Variants in LRP2 observed in about 807,000 individuals in gnomAD.
The protein encoded by LRP2 is LDL receptor related protein 2.
Under a neutral mutation model 531.0 loss-of-function variants are expected in LRP2, and 172 were observed. The observed-to-expected ratio is 0.32, with a 90% CI of 0.29 to 0.37. The LOEUF (loss-of-function observed/expected upper bound fraction) is 0.37. Among genes scored for constraint, LRP2 ranks in the 10% least tolerant of loss-of-function variants. LRP2 has a pLI of 1.00. For synonymous variants in LRP2, 1,992 were observed against 2,027.6 expected (o/e 0.98, Z 0.47); for missense variants, 5,167 against 5,868.3 (o/e 0.88, Z 3.90).
Position 169,282,875 on chromosome 2 carries a change from G to A in LRP2, c.1169C>T (p.Ser390Phe). Residue 390 changes from serine (S) to phenylalanine (F), a missense_variant and splice_region_variant, in exon 10 of 79, where the codon TCC becomes TTC. Physicochemically the swap from Ser to Phe is radical, Grantham distance 155. Transcript: ENST00000649046. ...ACAGGTGTCCATAATTTACTCACAG[G>A]AATCATTAGCTTTGCAATACTGTCC... ...ERGQYCKAND[S>F]FGEASIIFSN... is the part of the protein sequence containing the mutation. 6.2e-7 allele frequency: 1 copy of A among 1,613,764 alleles called. No homozygotes were observed. The highest frequency in any genetic ancestry group is 8.5e-7 in the Non-Finnish European group (1 of 1,179,736).
chr2:169,227,525 T>G (rs1689245235), intron 31 of LRP2, among the ~76,000 whole-genome samples: 1 of 152,210 alleles, frequency 6.6e-6, no homozygotes, highest in South Asian at 2.1e-4. Flanking sequence ...CTTTTGAATC[T>G]AAGTTTTGGG....
At chr2:169,307,661 T>C (rs1045531572) in intron 3 of LRP2, among the ~76,000 whole-genome samples, 1 of 152,190 alleles carries the variant, frequency 6.6e-6, no homozygotes, top group Admixed American at 6.5e-5. Flanking sequence ...ATTTTAAAAC[T>C]ATATGGTAAA....
At chr2:169,224,102 A>G (rs1689113980) in intron 33 of LRP2, among the ~76,000 whole-genome samples, 1 of 152,240 alleles carries the variant, frequency 6.6e-6, no homozygotes, top group South Asian at 2.1e-4. Flanking sequence ...CTTAGTCTAC[A>G]GAGAGTGCTT....
At chr2:169,333,476 G>A (rs1264686230) in intron 1 of LRP2, among the ~76,000 whole-genome samples, 1 of 118,336 alleles carries the variant, frequency 8.5e-6, no homozygotes, top group East Asian at 3.0e-4. Flanking sequence ...AGGAGGGAAG[G>A]AAGAAAAGGA....
At chr2:169,211,595 G>A (rs1574138091) in intron 37 of LRP2, among the ~76,000 whole-genome samples, 2 of 152,098 alleles carry the variant, frequency 1.3e-5, no homozygotes, top group South Asian at 2.1e-4. Context: ...CACCAACTCT[G>A]TAGTACTTCT....
At chr2:169,290,822 C>T in intron 8 of LRP2, 23 bp downstream of exon 8, 1 of 1,611,710 alleles carries the variant, frequency 6.2e-7, no homozygotes, top group Non-Finnish European at 8.5e-7. Flanking sequence ...CTGAAAGCTA[C>T]CCAGGTAAAT....
chr2:169,201,388 A>C (rs1688197279), intron 44 of LRP2, among the ~76,000 whole-genome samples: 2 of 152,230 alleles, frequency 1.3e-5, no homozygotes, highest in South Asian at 4.1e-4. Flanking sequence ...TATTTTCCAA[A>C]ATGTTATCAG....
At chr2:169,203,930 G>A (rs1688287543) in intron 42 of LRP2, 52 bp downstream of exon 42, 4 of 1,577,802 alleles carry the variant, frequency 2.5e-6, no homozygotes, top group Non-Finnish European at 3.5e-6. Context: ...CTTACCAATT[G>A]GTATTGTGAT....
intron 71 of LRP2, among the ~76,000 whole-genome samples, chr2:169,141,970 G>A (rs66660630): frequency 0.038 from 5,800 of 152,232 alleles, 173 homozygotes; most frequent in African/African-American, 0.086. Context: ...GGTGGTAGAA[G>A]GTGGTTAAGC....
intron 4 of LRP2, among the ~76,000 whole-genome samples, chr2:169,294,911 A>T (rs1254044166): frequency 6.6e-6 from 1 of 152,048 alleles, no homozygotes; most frequent in Non-Finnish European, 1.5e-5. Flanking sequence ...AATAAGACAC[A>T]AATGGTAAAT....
chr2:169,193,528 C>T (rs1358443309), intron 47 of LRP2, among the ~76,000 whole-genome samples: 4 of 150,828 alleles, frequency 2.7e-5, no homozygotes, highest in African/African-American at 7.3e-5. Context: ...ACATTATGTC[C>T]ATTAGCCAAA....
chr2:169,162,730 A>C, intron 62 of LRP2, 130 bp from the exon 63 acceptor site: 1 of 961,028 alleles, frequency 1.0e-6, no homozygotes, highest in Non-Finnish European at 1.6e-6. Flanking sequence ...TCTCCCTTGC[A>C]GCTGGGTTAG....
intron 56 of LRP2, 39 bp downstream of exon 56, chr2:169,173,880 C>G (rs1324025155): frequency 1.2e-6 from 2 of 1,613,162 alleles, no homozygotes. Flanking sequence ...TCGTGTCTCC[C>G]TGCTCTGGTC....
intron 4 of LRP2, among the ~76,000 whole-genome samples, chr2:169,305,758 G>A (rs890076447): frequency 6.6e-6 from 1 of 152,188 alleles, no homozygotes; most frequent in African/African-American, 2.4e-5. Context: ...CAGACCGCAT[G>A]GACTACATGT....
chr2:169,192,194 T>C (rs141291454), intron 47 of LRP2, among the ~76,000 whole-genome samples, 161 bp from the exon 48 acceptor site: 17 of 152,262 alleles, frequency 1.1e-4, no homozygotes, highest in African/African-American at 4.1e-4. Flanking sequence ...ATAATAAAAA[T>C]ACCTCCAAAG....
In LRP2 at chr2:169,206,414, T is replaced by A. The variant is rs577943281; in HGVS notation, c.7306A>T (p.Thr2436Ser). ...CCAACTCCAGAGGCTAAATTTTGTGTGAAGTAGATTCTATCACTTACACTG... is the reference window on the plus strand; with the variant it reads ...CCAACTCCAGAGGCTAAATTTTGTGAGAAGTAGATTCTATCACTTACACTG... Reference protein sequence around the residue: ...YDSVSDRIYFTQNLASGVGQI... With the variant: ...YDSVSDRIYFSQNLASGVGQI... Residue 2436 changes from threonine (T) to serine (S), a missense_variant, in exon 39 of 79, where the codon ACA (threonine) becomes TCA (serine). This residue lies in a region of LRP2 where 2,811 missense variants were observed against 3,058.0 expected (regional missense o/e 0.92). Transcript: ENST00000649046. The A allele has an allele frequency of 4.3e-6, 7 of 1,614,168 alleles. No homozygotes were observed. The East Asian group carries it at 1.6e-4, about 36-fold the overall frequency.
chr2:169,317,616 T>C (rs1684798791), intron 3 of LRP2, among the ~76,000 whole-genome samples: 1 of 152,244 alleles, frequency 6.6e-6, no homozygotes, highest in Admixed American at 6.5e-5. Flanking sequence ...TTTAACTTTT[T>C]TGAGTTGTGT....
chr2:169,211,675 G>A (rs776768151), intron 37 of LRP2, among the ~76,000 whole-genome samples: 12 of 152,078 alleles, frequency 7.9e-5, no homozygotes, highest in South Asian at 2.1e-4. Context: ...GGCCAGCACC[G>A]TCAGCATGCC....
rs943101069 is a variant in LRP2, at chr2:169,191,938, C to T, written c.8926G>A (p.Val2976Met). The change falls in exon 48 of 79, where the codon GTG (valine) becomes ATG (methionine). Residue 2976 changes from valine to methionine, a missense_variant. By Grantham distance (21) the Val-to-Met change is conservative. This residue lies in a region of LRP2 where 1,129 missense variants were observed against 1,362.7 expected (regional missense o/e 0.83). Coordinates refer to ENST00000649046, the MANE Select transcript of LRP2 (RefSeq NM_004525.3). ...IPQSWVCDGDVDCTDGYDENQ... is the reference protein window; with the variant it reads ...IPQSWVCDGDMDCTDGYDENQ... ...TCATCGTAGCCGTCAGTACAATCCA[C>T]ATCGCCATCACAGACCCAAGACTGG... The T allele has an allele frequency of 1.2e-6, 2 of 1,614,170 alleles. No homozygotes were observed. The highest frequency in any genetic ancestry group is 8.5e-7 in the Non-Finnish European group (1 of 1,180,006).
Sources: allele counts gnomAD v4.1 joint callset (sites outside exome capture counted in the v4.1 genomes callset), GRCh38; gene constraint gnomAD v4.1.1; regional missense constraint gnomAD v4.1.1; transcripts MANE v1.5; gene names NCBI Gene and HGNC (gene_info 2026-07-23, HGNC 2026-07-21).